Variants in PCDH15 observed in about 807,000 individuals in gnomAD.
The protein encoded by PCDH15 is protocadherin related 15, also known as protocadherin-15.
A neutral mutation model predicts 178.5 loss-of-function variants in PCDH15; 129 were observed. That is an observed-to-expected ratio of 0.72 (90% CI 0.63 to 0.84). The LOEUF (loss-of-function observed/expected upper bound fraction) is 0.84. Ranked by LOEUF, PCDH15 falls within the 40% of genes least tolerant of loss-of-function variation. The probability of loss-of-function intolerance (pLI) is 0.00; values close to 1 mark genes in which losing one functional copy is unlikely to be tolerated. For synonymous variants in PCDH15, 800 were observed against 732.0 expected (o/e 1.09, Z -1.50); for missense variants, 2,230 against 2,099.9 (o/e 1.06, Z -1.21).
At chr10:54,737,840 C>A (rs987947424) in intron 1 of PCDH15, among the ~76,000 whole-genome samples, 2 of 152,054 alleles carry the variant, frequency 1.3e-5, no homozygotes, top group African/African-American at 4.8e-5. Flanking sequence ...ATGAATACTG[C>A]CCTATTCGAG....
rs1043636276 is a variant in PCDH15 at position 54,924,013 on chromosome 10, C to T, written c.-79-26513G>A. On this transcript the variant is annotated intron_variant, in intron 2 of 5. Transcript: ENST00000458638. ...TAAAAAGAACTATCTGAGACTGGTC[C>T]TTTATATAAAAAAAGAGAGTGAAAT... is the stretch of plus-strand genomic sequence containing the variant. Among the ~76,000 whole-genome samples the T allele has an allele frequency of 2.0e-4, 27 of 135,882 alleles. 4 individuals are homozygous for T. Among genetic ancestry groups the T allele is most frequent in the African/African-American group, 6.3e-4 (25 of 39,848 alleles). The allele number at this position is 135,882 out of a possible 152,430, so 89.1% of individuals were successfully genotyped here.
chr10:54,221,394 T>C lies in PCDH15; in HGVS notation c.986-7346A>G, dbSNP rs1176016586. On this transcript the variant is annotated intron_variant, in intron 9 of 37. Transcript: ENST00000644397. ...AAAATGCTACACAATTATCTTCATA[T>C]ATTTAAAATGTAGAATTTTAATTAC... is the stretch of plus-strand genomic sequence containing the variant. 2.0e-5 allele frequency among the ~76,000 whole-genome samples: 3 copies of C among 152,134 alleles called. No individual in the cohort carries two copies. In the East Asian group the frequency reaches 5.8e-4, roughly 29 times the overall value.
At chr10:54,552,852 A>G (rs1590066660) in intron 2 of PCDH15, among the ~76,000 whole-genome samples, 2 of 152,184 alleles carry the variant, frequency 1.3e-5, no homozygotes, top group Non-Finnish European at 1.5e-5. Flanking sequence ...TGTATTGTAA[A>G]AAATAAAGAA....
intron 8 of PCDH15, among the ~76,000 whole-genome samples, chr10:54,308,450 T>G (rs982809725): frequency 1.3e-5 from 2 of 152,096 alleles, no homozygotes; most frequent in Non-Finnish European, 2.9e-5. Context: ...TTTGCCTCCT[T>G]AATAGTTATT....
intron 2 of PCDH15, among the ~76,000 whole-genome samples, chr10:54,620,734 T>C (rs1226020501): frequency 1.3e-5 from 2 of 152,034 alleles, no homozygotes; most frequent in Non-Finnish European, 2.9e-5. Context: ...ATGTTTTCTG[T>C]ACATCCTGTA....
chr10:55,111,077 C>G (rs995156614), intron 2 of PCDH15, among the ~76,000 whole-genome samples: 1 of 152,030 alleles, frequency 6.6e-6, no homozygotes, highest in Non-Finnish European at 1.5e-5. Flanking sequence ...TCTGAAATGA[C>G]TATGAAATAA....
chr10:55,139,623 G>A (rs981690162), intron 2 of PCDH15, among the ~76,000 whole-genome samples: 4 of 151,918 alleles, frequency 2.6e-5, no homozygotes, highest in African/African-American at 9.7e-5. Flanking sequence ...CTATTTTTAT[G>A]TTTTTCATTC....
chr10:54,662,002 T>C (rs575090171), intron 2 of PCDH15, among the ~76,000 whole-genome samples: 1 of 151,854 alleles, frequency 6.6e-6, no homozygotes. Flanking sequence ...GGCAAATAAT[T>C]TATAAATAAT....
rs558797348 is a variant in PCDH15, at chr10:54,796,258, C to G, written c.-29+4667G>C. Among the ~76,000 whole-genome samples the G allele has an allele frequency of 1.6e-4, 17 of 107,524 alleles. No homozygotes were observed. In the East Asian group the frequency reaches 3.2e-3, roughly 20 times the overall value. The allele number at this position is 107,524 out of a possible 152,430, so 70.5% of individuals were successfully genotyped here. A position where few individuals can be genotyped will look rare whatever the true frequency, so the allele number is the denominator to read the frequency against. ...TCTATCTATCTATCTATCTATCTAT[C>G]TATCTATCTATCTATGTATCTATGT... On this transcript the variant is annotated intron_variant, in intron 1 of 37. Coordinates refer to ENST00000644397, the MANE Select transcript of PCDH15 (RefSeq NM_001384140.1).
chr10:54,092,633 T>G (rs1319350487), intron 15 of PCDH15, among the ~76,000 whole-genome samples: 1 of 152,116 alleles, frequency 6.6e-6, no homozygotes, highest in Non-Finnish European at 1.5e-5. Context: ...AGCAAACAAA[T>G]TTCTAAGAAT....
intron 28 of PCDH15, among the ~76,000 whole-genome samples, chr10:53,842,450 T>C (rs2077716916): frequency 1.3e-5 from 2 of 152,174 alleles, no homozygotes; most frequent in Admixed American, 6.5e-5. Flanking sequence ...TTTCACCATG[T>C]TGGTCAGGCT....
At chr10:54,355,680 A>C (rs541562769) in intron 5 of PCDH15, among the ~76,000 whole-genome samples, 36 of 152,226 alleles carry the variant, frequency 2.4e-4, no homozygotes, top group Non-Finnish European at 4.9e-4. Flanking sequence ...GTTATTTTAC[A>C]AAAGGAGACA....
chr10:54,058,678 A>C (rs11004025), intron 18 of PCDH15, among the ~76,000 whole-genome samples: 89,270 of 150,306 alleles, frequency 0.59, 26,673 homozygotes, highest in Middle Eastern at 0.76. Context: ...ATTAGAACAT[A>C]TTTCTTTCTT....
chr10:54,307,398 C>T (rs564058553), intron 8 of PCDH15, among the ~76,000 whole-genome samples: 91 of 151,288 alleles, frequency 6.0e-4, no homozygotes, highest in Non-Finnish European at 1.1e-3. Flanking sequence ...CGAAGAAGTC[C>T]TATGTTTACC....
At chr10:54,214,949 T>C (rs970366753) in intron 9 of PCDH15, among the ~76,000 whole-genome samples, 2 of 152,276 alleles carry the variant, frequency 1.3e-5, no homozygotes, top group Admixed American at 1.3e-4. Flanking sequence ...TGAAGAAATG[T>C]CTTCTAATTG....
intron 1 of PCDH15, among the ~76,000 whole-genome samples, chr10:54,772,308 C>A (rs778540448): frequency 1.3e-5 from 2 of 152,096 alleles, no homozygotes; most frequent in Non-Finnish European, 2.9e-5. Flanking sequence ...TTGTAATGTT[C>A]ATGTTCAAAC....
intron 3 of PCDH15, among the ~76,000 whole-genome samples, chr10:54,512,445 C>G (rs55751337): frequency 0.098 from 14,480 of 147,744 alleles, 1,007 homozygotes; most frequent in East Asian, 0.36. Context: ...ATTAACTGTA[C>G]ATACAATAAT....
chr10:54,492,871 G>A (rs797022201), intron 3 of PCDH15, among the ~76,000 whole-genome samples: 3 of 152,206 alleles, frequency 2.0e-5, no homozygotes, highest in African/African-American at 4.8e-5. Context: ...GAGACTGGGC[G>A]ATTCACAAAA....
intron 2 of PCDH15, among the ~76,000 whole-genome samples, chr10:55,489,879 A>G (rs1020307035): frequency 6.6e-6 from 1 of 151,812 alleles, no homozygotes; most frequent in South Asian, 2.1e-4. Flanking sequence ...TGACTCCCCA[A>G]TGTAAAAGAA....
Sources: gnomAD v4.1 joint callset for allele counts (sites outside exome capture counted in the v4.1 genomes callset) on GRCh38, gnomAD v4.1.1 for gene constraint, MANE v1.5 for transcripts, NCBI Gene and HGNC (gene_info 2026-07-23, HGNC 2026-07-21) for gene names.